The following KMT2D variants were observed in gnomAD, a reference collection of about 807,000 sequenced individuals.
The protein encoded by KMT2D is lysine methyltransferase 2D, also known as histone-lysine N-methyltransferase 2D.
KMT2D carries 55 observed loss-of-function variants against 512.7 expected under a neutral mutation model. The ratio of observed to expected loss-of-function variants is 0.11; its 90% CI spans 0.09 to 0.13. KMT2D has a LOEUF of 0.13. Among genes scored for constraint, KMT2D ranks in the 10% least tolerant of loss-of-function variants. The probability of loss-of-function intolerance (pLI) is 1.00; values close to 1 mark genes in which losing one functional copy is unlikely to be tolerated. For missense variants in KMT2D, 6,061 were observed against 7,127.9 expected (o/e 0.85, Z 5.39); for synonymous variants, 2,995 against 2,904.0 (o/e 1.03, Z -1.01).
In KMT2D at chr12:49,037,682, C is replaced by A. The variant is rs2120484146; in HGVS notation, c.9674G>T (p.Gly3225Val). The change falls in exon 35 of 55, where the codon GGA (glycine) becomes GTA (valine). Residue 3225 changes from glycine (G) to valine (V), a missense_variant. Gly to Val is a moderately radical substitution (Grantham distance 109). This residue lies in a region of KMT2D where 533 missense variants were observed against 539.6 expected (regional missense o/e 0.99). Coordinates refer to ENST00000301067, the MANE Select transcript of KMT2D (RefSeq NM_003482.4). ...TAGCTCATCCCCAGATGCTGCAGGTCCACCAGGCAAGGTCAAAGCCCCACT... is the reference window on the plus strand; with the variant it reads ...TAGCTCATCCCCAGATGCTGCAGGTACACCAGGCAAGGTCAAAGCCCCACT... ...LESGALTLPGGPAASGDELDK... is the reference protein window; with the variant it reads ...LESGALTLPGVPAASGDELDK... 1.9e-6 allele frequency: 3 copies of A among 1,584,598 alleles called. No individual in the cohort carries two copies. Among genetic ancestry groups the A allele is most frequent in the South Asian group, 2.3e-5 (2 of 86,612 alleles).
In KMT2D at chr12:49,052,368, G is replaced by C. The variant is rs2120686220; in HGVS notation, c.1315C>G (p.Pro439Ala). The C allele has an allele frequency of 6.5e-7, 1 of 1,544,622 alleles. No homozygotes were observed. Among genetic ancestry groups the C allele is most frequent in the Non-Finnish European group, 8.7e-7 (1 of 1,145,160 alleles). The change falls in exon 11 of 55, where the codon CCA (proline) becomes GCA (alanine). Residue 439 changes from proline to alanine, a missense_variant. Transcript: ENST00000301067. ...QLEAPLNEEM[P>A]LLPPPEESPL... ...GACTCCTCAGGTGGGGGCAGCAGTG[G>C]CATCTCCTCGTTTAGGGGGGCCTCC...
rs911322619 is a variant in KMT2D, at chr12:49,031,381, C to T, written c.13324G>A (p.Ala4442Thr). 1.1e-5 allele frequency: 18 copies of T among 1,613,546 alleles called. No individual in the cohort carries two copies. Among genetic ancestry groups the T allele is most frequent in the Non-Finnish European group, 1.5e-5 (18 of 1,179,874 alleles). ...AGGAGGTGGTTGCTGGTTCCTGGTGCCCCTATTGGCTCCCCATTGGCCTCC... is the reference window on the plus strand; with the variant it reads ...AGGAGGTGGTTGCTGGTTCCTGGTGTCCCTATTGGCTCCCCATTGGCCTCC... ...KREANGEPIG[A>T]PGTSNHLLLA... Residue 4442 changes from alanine to threonine, a missense_variant, in exon 40 of 55, where the codon GCA becomes ACA. Transcript: ENST00000301067.
intron 9 of KMT2D, 51 bp downstream of exon 9, chr12:49,052,864 G>A (rs1938162191): frequency 2.5e-6 from 4 of 1,607,772 alleles, no homozygotes; most frequent in Middle Eastern, 3.3e-4. Context: ...CCCTGCCAAT[G>A]TCAGTTCTTC....
rs765858172 is a variant in KMT2D, at chr12:49,033,280, C to A, written c.11425G>T (p.Val3809Leu). 2.4e-5 allele frequency: 37 copies of A among 1,573,372 alleles called. No individual in the cohort carries two copies. Among genetic ancestry groups the A allele is most frequent in the Non-Finnish European group, 3.2e-5 (37 of 1,159,376 alleles). The change falls in exon 40 of 55, where the codon GTG (valine) becomes TTG (leucine). Residue 3809 changes from valine (V) to leucine (L), a missense_variant. By Grantham distance (32) the Val-to-Leu change is conservative. Coordinates refer to ENST00000301067, the MANE Select transcript of KMT2D (RefSeq NM_003482.4). ...GCTCCAGGGTGCTGCTGCTGCAACA[C>A]AGCCACCTGGGCAGGGCCCAGCATG... is the stretch of plus-strand genomic sequence containing the variant. ...QGMLGPAQVA[V>L]LQQQHPGALG...
rs745946263 is a variant in KMT2D, at chr12:49,034,307, A to G, written c.10508-8T>C. Reference sequence around the variant, plus strand: ...GCCGCTGGTCAGCTTCATCTGGGAAAAGAAGCTGGGTGTCAGGACCTGCAA... The same window carrying G: ...GCCGCTGGTCAGCTTCATCTGGGAAGAGAAGCTGGGTGTCAGGACCTGCAA... On this transcript the variant is annotated splice_polypyrimidine_tract_variant and splice_region_variant and intron_variant, in intron 38 of 54. Coordinates refer to ENST00000301067, the MANE Select transcript of KMT2D (RefSeq NM_003482.4). The G allele has an allele frequency of 1.6e-5, 26 of 1,611,480 alleles. No individual in the cohort carries two copies. Among genetic ancestry groups the G allele is most frequent in the Non-Finnish European group, 2.2e-5 (26 of 1,177,942 alleles).
rs2120684358 is a variant in KMT2D, at chr12:49,052,272, G to A, written c.1411C>T (p.Pro471Ser). The A allele has an allele frequency of 1.9e-6, 3 of 1,609,348 alleles. No individual in the cohort carries two copies. Among genetic ancestry groups the A allele is most frequent in the Non-Finnish European group, 2.5e-6 (3 of 1,177,326 alleles). ...PPEASRLSPP[P>S]EELPASPLPE... ...AGTGGGGATGCGGGCAATTCCTCAG[G>A]TGGTGGTGACAGGCGTGATGCCTCA... The change falls in exon 11 of 55, where the codon CCT becomes TCT. Residue 471 changes from proline to serine, a missense_variant. Pro to Ser is a moderately conservative substitution (Grantham distance 74). Transcript: ENST00000301067.
At position 49,026,994 on chromosome 12, in the gene KMT2D, C is replaced by G. The variant is rs761108868; in HGVS notation, c.14972G>C (p.Arg4991Pro). The G allele has an allele frequency of 6.2e-7, 1 of 1,614,052 alleles. No homozygotes were observed. Among genetic ancestry groups the G allele is most frequent in the Non-Finnish European group, 8.5e-7 (1 of 1,179,902 alleles). The part of the protein sequence containing the change: ...KWKGVRWKRL[R>P]LLLTIQKGSG... ...GCCCTTCTGGATGGTCAGCAGCAGC[C>G]GAAGCCGCTTCCAGCGCACTCCTTT... The change falls in exon 49 of 55, where the codon CGG becomes CCG. Residue 4991 changes from arginine to proline, a missense_variant. Arg to Pro is a moderately radical substitution (Grantham distance 103). Around this residue, in one of 16 missense-constraint regions of KMT2D, gnomAD observed 1,600 missense variants for 1,754.9 expected, o/e 0.91. Coordinates refer to ENST00000301067, the MANE Select transcript of KMT2D (RefSeq NM_003482.4). This position sits in a 1 kb window ranked among gnomAD's most constrained non-coding sequence, Gnocchi z 9.6.
rs1942486523 is a variant in KMT2D at position 49,024,656 on chromosome 12, G to T, written c.15974C>A (p.Pro5325His). Reference sequence around the variant, plus strand: ...GATCATGAGTGGCAGCTCCATAAGGGGGTGGCGCCCATAGCGGAATAAATA... The same window carrying T: ...GATCATGAGTGGCAGCTCCATAAGGTGGTGGCGCCCATAGCGGAATAAATA... The part of the protein sequence containing the change: ...QNYLFRYGRH[P>H]LMELPLMINP... The change falls in exon 51 of 55, where the codon CCC (proline) becomes CAC (histidine). Residue 5325 changes from proline (P) to histidine (H), a missense_variant. Pro to His is a moderately conservative substitution (Grantham distance 77). Around this residue, in one of 16 missense-constraint regions of KMT2D, gnomAD observed 261 missense variants for 440.7 expected, o/e 0.59. Transcript: ENST00000301067. This position sits in a 1 kb window ranked among gnomAD's most constrained non-coding sequence, Gnocchi z 4.5. The T allele has an allele frequency of 6.2e-7, 1 of 1,613,894 alleles. No individual in the cohort carries two copies. The highest frequency in any genetic ancestry group is 8.5e-7 in the Non-Finnish European group (1 of 1,179,856).
chr12:49,032,502 G>A lies in KMT2D; in HGVS notation c.12203C>T (p.Ser4068Leu), dbSNP rs1389178046. Reference protein sequence around the residue: ...MATEPGEVKPSLSGDSQLLLV... With the variant: ...MATEPGEVKPLLSGDSQLLLV... The stretch of plus-strand genomic sequence containing the variant: ...CAGGAGTTGTGAGTCCCCAGAGAGT[G>A]AGGGCTTTACCTCTCCTGGTTCAGT... The change falls in exon 40 of 55, where the codon TCA becomes TTA. Residue 4068 changes from serine (S) to leucine (L), a missense_variant. By Grantham distance (145) the Ser-to-Leu change is moderately radical. This residue lies in a region of KMT2D where 1,600 missense variants were observed against 1,754.9 expected (regional missense o/e 0.91). Coordinates refer to ENST00000301067, the MANE Select transcript of KMT2D (RefSeq NM_003482.4). 1 of 1,578,226 alleles carries A rather than the reference G, an allele frequency of 6.3e-7. No homozygotes were observed. Among genetic ancestry groups the A allele is most frequent in the Non-Finnish European group, 8.6e-7 (1 of 1,161,742 alleles).
At position 49,053,990 on chromosome 12, in the gene KMT2D, C is replaced by A. The variant is rs765353857; in HGVS notation, c.661G>T (p.Ala221Ser). 1 of 1,613,562 alleles carries A rather than the reference C, an allele frequency of 6.2e-7. No individual in the cohort carries two copies. Among genetic ancestry groups the A allele is most frequent in the Middle Eastern group, 1.7e-4 (1 of 6,056 alleles). ...CAGGACTTCTCACCCAGATATGCAG[C>A]CCCCTCACTGTGCTCTGGGCATAGC... is the stretch of plus-strand genomic sequence containing the variant. ...QLLCPEHSEG[A>S]AYLEEARCAV... The change falls in exon 6 of 55, where the codon GCT (alanine) becomes TCT (serine). Residue 221 changes from alanine to serine, a missense_variant. By Grantham distance (99) the Ala-to-Ser change is moderately conservative. Transcript: ENST00000301067.
In KMT2D at chr12:49,049,711, T is replaced by C. The variant is rs2120638777; in HGVS notation, c.3877A>G (p.Ser1293Gly). 2 of 1,597,456 alleles carry C rather than the reference T, an allele frequency of 1.3e-6. No homozygotes were observed. Among genetic ancestry groups the C allele is most frequent in the Non-Finnish European group, 1.7e-6 (2 of 1,167,520 alleles). ...KAEGEKGRRR[S>G]SPARSRIKQG... Reference sequence around the variant, plus strand: ...TTGATGCGGGAACGGGCTGGGGAGCTGCGCCGCCGCCCCTTCTCCCCCTCA... The same window carrying C: ...TTGATGCGGGAACGGGCTGGGGAGCCGCGCCGCCGCCCCTTCTCCCCCTCA... Residue 1293 changes from serine (S) to glycine (G), a missense_variant, in exon 12 of 55, where the codon AGC (serine) becomes GGC (glycine). By Grantham distance (56) the Ser-to-Gly change is moderately conservative. Around this residue, in one of 16 missense-constraint regions of KMT2D, gnomAD observed 447 missense variants for 500.1 expected, o/e 0.89. Transcript: ENST00000301067.
chr12:49,036,483 T>TG (rs1319695371), intron 35 of KMT2D, among the ~76,000 whole-genome samples: 2 of 128,956 alleles, frequency 1.6e-5, no homozygotes, highest in African/African-American at 6.7e-5. Flanking sequence ...AGCTAATTTT[T>TG]TTTTTTTTTT....
At position 49,051,320 on chromosome 12, in the gene KMT2D, A is replaced by G. The variant is rs2120667940; in HGVS notation, c.2363T>C (p.Leu788Ser). 1 of 1,589,496 alleles carries G rather than the reference A, an allele frequency of 6.3e-7. No homozygotes were observed. Among genetic ancestry groups the G allele is most frequent in the Non-Finnish European group, 8.6e-7 (1 of 1,165,148 alleles). ...ATGTGGTCCCTCAGCCTGGGGGGAC[A>G]AGTGTGGCTCCTCAGGCACAGCGCA... Reference protein sequence around the residue: ...CLCAVPEEPHLSPQAEGPHLS... With the variant: ...CLCAVPEEPHSSPQAEGPHLS... The change falls in exon 11 of 55, where the codon TTG becomes TCG. Residue 788 changes from leucine to serine, a missense_variant. Coordinates refer to ENST00000301067, the MANE Select transcript of KMT2D (RefSeq NM_003482.4).
chr12:49,032,946 A>AGCTGCTGCT lies in KMT2D; in HGVS notation c.11750_11758dup (p.Gln3917_Gln3919dup), dbSNP rs576788910. 7.7e-6 allele frequency: 12 copies of AGCTGCTGCT among 1,549,680 alleles called. No homozygotes were observed. The South Asian group carries it at 9.5e-5, about 12-fold the overall frequency. ...CTGCTGAAGTTGCTGTTGCTGTTGT[A>AGCTGCTGCT]GCTGCTGCTGCTGCTGCTGCTGAAG... is the stretch of plus-strand genomic sequence containing the variant. On this transcript the variant is annotated inframe_insertion, in exon 40 of 55. Transcript: ENST00000301067.
Position 49,019,113 on chromosome 12 carries a change from CAG to C in KMT2D, c.*2665_*2666del, listed in dbSNP as rs1270377617. 1 of 1,172,086 alleles carries C rather than the reference CAG, an allele frequency of 8.5e-7. No homozygotes were observed. The highest frequency in any genetic ancestry group is 4.5e-5 in the Admixed American group (1 of 22,354). 72.6% of individuals were successfully genotyped at this position (1,172,086 alleles called of 1,614,324 possible). A position where few individuals can be genotyped will look rare whatever the true frequency, so the allele number is the denominator to read the frequency against. Reference sequence around the variant, plus strand: ...TCGCTGATACAAAACATGCCAAGGACAGGGGCGCTGAGGGTGGAGGGAGAGAG... The same window carrying C: ...TCGCTGATACAAAACATGCCAAGGACGGGCGCTGAGGGTGGAGGGAGAGAG... On this transcript the variant is annotated 3_prime_UTR_variant, in exon 55 of 55. Transcript: ENST00000301067.
rs958487410 is a variant in KMT2D, at chr12:49,033,299, C to T, written c.11406G>A (p.Leu3802=). The change falls in exon 40 of 55, where the codon CTG becomes CTA. Residue 3802 remains leucine (L), a synonymous_variant. Transcript: ENST00000301067. ...GCAACACAGCCACCTGGGCAGGGCC[C>T]AGCATGCCCTGGGGCCCCTGGGGTG... is the stretch of plus-strand genomic sequence containing the variant. ...PQPPQGPQGM[L]GPAQVAVLQQ... The T allele has an allele frequency of 3.8e-6, 6 of 1,587,074 alleles. No homozygotes were observed. The highest frequency in any genetic ancestry group is 4.3e-6 in the Non-Finnish European group (5 of 1,166,958).
Position 49,039,297 on chromosome 12 carries a change from C to G in KMT2D, c.8291G>C (p.Gly2764Ala). Residue 2764 changes from glycine (G) to alanine (A), a missense_variant, in exon 34 of 55, where the codon GGG (glycine) becomes GCG (alanine). Gly to Ala is a moderately conservative substitution (Grantham distance 60, BLOSUM62 0). Transcript: ENST00000301067. The surrounding 1 kb of genome is among the most constrained non-coding windows in gnomAD (Gnocchi z 5.0). ...SKLSGPILGP[G>A]SFPSDDRLSR... ...GAGTCGGTCATCGCTAGGGAAGGAC[C>G]CTGGCCCCAGGATGGGGCCACTCAG... 2 of 1,613,764 alleles carry G rather than the reference C, an allele frequency of 1.2e-6. No individual in the cohort carries two copies. The highest frequency in any genetic ancestry group is 8.5e-7 in the Non-Finnish European group (1 of 1,179,870).
rs777636844 is a variant in KMT2D, at chr12:49,034,435, C to T, written c.10482G>A (p.Pro3494=). ...TGATCACTCCCTGAGCAAAAGTGGG[C>T]GGGTTGGGACGAGGCTGGGAGGGAT... ...AGDPSQPRPN[P]PTFAQGVINE... The change falls in exon 38 of 55, where the codon CCG becomes CCA. Residue 3494 remains proline (P), a synonymous_variant. Transcript: ENST00000301067. 1.7e-5 allele frequency: 27 copies of T among 1,613,622 alleles called. No homozygotes were observed. Among genetic ancestry groups the T allele is most frequent in the South Asian group, 1.5e-4 (14 of 91,052 alleles).
At chr12:49,056,196 C>T (rs1156828560) in intron 1 of KMT2D, among the ~76,000 whole-genome samples, 1 of 152,196 alleles carries the variant, frequency 6.6e-6, no homozygotes, top group East Asian at 1.9e-4. Context: ...TCTCAGGAAG[C>T]ATAGAGCCAC....
Sources: allele counts gnomAD v4.1 joint callset (sites outside exome capture counted in the v4.1 genomes callset), GRCh38; gene constraint gnomAD v4.1.1; regional missense constraint gnomAD v4.1.1; non-coding constraint Gnocchi (gnomAD v3.1); transcripts MANE v1.5; gene names NCBI Gene and HGNC (gene_info 2026-07-23, HGNC 2026-07-21).